Variants in CNTNAP5 observed in about 807,000 individuals in gnomAD.
The protein encoded by CNTNAP5 is contactin-associated protein-like 5.
In CNTNAP5, 72 loss-of-function variants were observed where a neutral mutation model predicts 150.2. That is an observed-to-expected ratio of 0.48 (90% CI 0.40 to 0.58). The LOEUF is 0.58. CNTNAP5 is among the 20% of genes least tolerant of loss of function. CNTNAP5 has a pLI of 0.00. For synonymous variants in CNTNAP5, 672 were observed against 619.8 expected, an observed-to-expected ratio of 1.08 and a Z score of -1.25; for missense variants, 1,636 against 1,626.2, an observed-to-expected ratio of 1.01 and a Z score of -0.10.
chr2:124,084,922 C>CTTTTTTTTTTTTTTTTTTT (rs1474480684), intron 1 of CNTNAP5, among the ~76,000 whole-genome samples: 2 of 18,216 alleles, frequency 1.1e-4, no homozygotes, highest in East Asian at 2.1e-3. Flanking sequence ...TTCAAGTTTC[C>CTTTTTTTTTTTTTTTTTTT]TGTTTTTTTT....
Position 124,903,024 on chromosome 2 carries a change from G to T in CNTNAP5, c.3579G>T (p.Gly1193=). 6.2e-7 allele frequency: 1 copy of T among 1,609,552 alleles called. No individual in the cohort carries two copies. Among genetic ancestry groups the T allele is most frequent in the Non-Finnish European group, 8.5e-7 (1 of 1,177,788 alleles). ...HATVAPVTVH[G]TLTESSCGFM... The stretch of plus-strand genomic sequence containing the variant: ...CTGTCGCGCCTGTGACTGTCCATGG[G>T]ACCTTGACGGAATCCAGCTGTGGCT... The change falls in exon 22 of 24, where the codon GGG becomes GGT. Residue 1193 remains glycine, a synonymous_variant. Transcript: ENST00000682447.
chr2:124,670,069 C>T (rs913547172), intron 13 of CNTNAP5, among the ~76,000 whole-genome samples: 2 of 152,020 alleles, frequency 1.3e-5, no homozygotes, highest in Admixed American at 6.6e-5. Context: ...GTTCTGGAGG[C>T]ACTGGATCTC....
At chr2:124,387,245 G>T (rs554672740) in intron 3 of CNTNAP5, among the ~76,000 whole-genome samples, 6 of 152,270 alleles carry the variant, frequency 3.9e-5, no homozygotes, top group African/African-American at 1.4e-4. Flanking sequence ...TTTCTGCTGG[G>T]GATAGCAAAG....
chr2:124,334,139 G>T (rs746419392), intron 3 of CNTNAP5, among the ~76,000 whole-genome samples: 2 of 152,124 alleles, frequency 1.3e-5, no homozygotes, highest in Non-Finnish European at 2.9e-5. Flanking sequence ...GCGTTGTGTG[G>T]TGCCTTTTCT....
chr2:124,495,200 ATATT>A (rs1694116594), intron 7 of CNTNAP5, among the ~76,000 whole-genome samples: 1 of 152,164 alleles, frequency 6.6e-6, no homozygotes, highest in Non-Finnish European at 1.5e-5. Context: ...ATTTACTTAA[ATATT>A]TATATAATTT....
At chr2:124,452,602 A>C (rs143562987) in intron 6 of CNTNAP5, among the ~76,000 whole-genome samples, 25 of 152,316 alleles carry the variant, frequency 1.6e-4, no homozygotes, top group Non-Finnish European at 2.9e-4. Flanking sequence ...AAAGTAGTGC[A>C]TTAATCAAAC....
intron 7 of CNTNAP5, among the ~76,000 whole-genome samples, chr2:124,482,704 A>G (rs1232867381): frequency 6.6e-6 from 1 of 152,136 alleles, no homozygotes. Flanking sequence ...GAAGGAGGGC[A>G]GCGAAGGGCA....
intron 13 of CNTNAP5, among the ~76,000 whole-genome samples, chr2:124,699,799 TCTTTCTTTC>T (rs1679481990): frequency 1.3e-5 from 2 of 152,100 alleles, no homozygotes; most frequent in African/African-American, 4.8e-5. Context: ...TTCTTTTCTT[TCTTTCTTTC>T]TCTTTCTTTC....
intron 8 of CNTNAP5, among the ~76,000 whole-genome samples, chr2:124,508,005 A>G (rs1694455078): frequency 6.6e-6 from 1 of 152,134 alleles, no homozygotes; most frequent in Non-Finnish European, 1.5e-5. Context: ...CTTGTGTCCA[A>G]ATGGAGGGGA....
intron 3 of CNTNAP5, among the ~76,000 whole-genome samples, chr2:124,281,936 G>A (rs773187113): frequency 3.3e-5 from 5 of 152,054 alleles, no homozygotes; most frequent in Admixed American, 6.6e-5. Flanking sequence ...ATTCCCGGCG[G>A]CATTTGTCTG....
intron 3 of CNTNAP5, among the ~76,000 whole-genome samples, chr2:124,378,147 G>C (rs928146028): frequency 4.0e-5 from 6 of 151,800 alleles, no homozygotes; most frequent in African/African-American, 1.5e-4. Flanking sequence ...CACTGGTCCA[G>C]GTATATATAT....
intron 1 of CNTNAP5, among the ~76,000 whole-genome samples, chr2:124,208,943 C>T (rs1685934709): frequency 6.6e-6 from 1 of 152,100 alleles, no homozygotes; most frequent in African/African-American, 2.4e-5. Flanking sequence ...TCATGACAAC[C>T]CTCATTTGTC....
At chr2:124,428,774 T>G (rs1357192638) in intron 4 of CNTNAP5, among the ~76,000 whole-genome samples, 5 of 152,104 alleles carry the variant, frequency 3.3e-5, no homozygotes. Flanking sequence ...TGTGTGTATA[T>G]TAGTTCCTTT....
intron 13 of CNTNAP5, among the ~76,000 whole-genome samples, chr2:124,715,819 A>G (rs181944898): frequency 3.3e-5 from 5 of 152,282 alleles, no homozygotes; most frequent in Admixed American, 6.5e-5. Flanking sequence ...AACAGCTACT[A>G]GTCTGCCACC....
intron 3 of CNTNAP5, among the ~76,000 whole-genome samples, chr2:124,303,055 T>A (rs1688603473): frequency 6.6e-6 from 1 of 152,198 alleles, no homozygotes; most frequent in South Asian, 2.1e-4. Context: ...TTAGCTGATC[T>A]AGCTTTTTGT....
chr2:124,043,490 TC>T (rs1160773924), intron 1 of CNTNAP5, among the ~76,000 whole-genome samples: 6 of 152,334 alleles, frequency 3.9e-5, no homozygotes, highest in African/African-American at 1.4e-4. Context: ...CACACTTCTC[TC>T]AATCTTTTCA....
At chr2:124,026,348 G>C (rs1680887995) in intron 1 of CNTNAP5, among the ~76,000 whole-genome samples, 1 of 152,162 alleles carries the variant, frequency 6.6e-6, no homozygotes. Context: ...GAAGAGCTTT[G>C]ATGCATACCC....
At chr2:124,423,691 G>A (rs111350749) in intron 4 of CNTNAP5, among the ~76,000 whole-genome samples, 16,124 of 97,512 alleles carry the variant, frequency 0.17, 1,311 homozygotes, top group Middle Eastern at 0.22. Flanking sequence ...TTGAGACGGA[G>A]TCTCGCTCTG....
chr2:124,109,952 G>A (rs548625480), intron 1 of CNTNAP5, among the ~76,000 whole-genome samples: 1 of 152,258 alleles, frequency 6.6e-6, no homozygotes, highest in African/African-American at 2.4e-5. Context: ...TCTTACCAAT[G>A]GCTCTAGCTA....
Sources: gnomAD v4.1 joint callset for allele counts (sites outside exome capture counted in the v4.1 genomes callset) on GRCh38, gnomAD v4.1.1 for gene constraint, MANE v1.5 for transcripts, NCBI Gene and HGNC (gene_info 2026-07-23, HGNC 2026-07-21) for gene names.